Variants in BCL2 observed in about 807,000 individuals in gnomAD.
BCL2 encodes the protein BCL2 apoptosis regulator, also known as apoptosis regulator Bcl-2.
BCL2 carries 1 observed loss-of-function variant against 14.2 expected under a neutral mutation model. The observed-to-expected ratio is 0.07, with a 90% CI of 0.02 to 0.33. The LOEUF (loss-of-function observed/expected upper bound fraction) is 0.33. Among genes scored for constraint, BCL2 ranks in the 10% least tolerant of loss-of-function variants. BCL2 has a pLI of 0.99. For missense variants in BCL2, 247 were observed against 305.9 expected, an observed-to-expected ratio of 0.81 and a Z score of 1.44; for synonymous variants, 151 against 137.2, an observed-to-expected ratio of 1.10 and a Z score of -0.70.
rs1913868495 is a variant in BCL2 at position 63,124,780 on chromosome 18, G to C, written c.*3845C>G. 2 of 229,602 alleles carry C rather than the reference G, an allele frequency of 8.7e-6. No individual in the cohort carries two copies. The highest frequency in any genetic ancestry group is 5.7e-5 in the Admixed American group (1 of 17,656). 14.2% of individuals were successfully genotyped at this position (229,602 alleles called of 1,614,324 possible). A position where few individuals can be genotyped will look rare whatever the true frequency, so the allele number is the denominator to read the frequency against. On this transcript the variant is annotated 3_prime_UTR_variant, in exon 3 of 3. Coordinates refer to ENST00000333681, the MANE Select transcript of BCL2 (RefSeq NM_000633.3). ...TGTCTGGGCTGCAAAAGACACCACA[G>C]AATAAGATCAGAATAGAATTTCAAC... is the stretch of plus-strand genomic sequence containing the variant.
At chr18:63,214,636 A>C (rs1049284465) in intron 2 of BCL2, among the ~76,000 whole-genome samples, 1 of 152,114 alleles carries the variant, frequency 6.6e-6, no homozygotes. Flanking sequence ...GGTAATAAAA[A>C]AAAAAATCAT....
chr18:63,285,113 C>G (rs1294179676), intron 2 of BCL2, among the ~76,000 whole-genome samples: 3 of 152,214 alleles, frequency 2.0e-5, no homozygotes, highest in Non-Finnish European at 4.4e-5. Context: ...AGCTGCACCA[C>G]CCAAGAGACA....
At chr18:63,293,227 G>C (rs547921557) in intron 2 of BCL2, among the ~76,000 whole-genome samples, 2 of 152,334 alleles carry the variant, frequency 1.3e-5, no homozygotes, top group East Asian at 3.9e-4. Context: ...CCTCCAGCCT[G>C]ACTGCACTGC....
intron 2 of BCL2, chr18:63,314,471 C>CA (rs1317192113): frequency 1.3e-5 from 2 of 152,100 alleles, no homozygotes; most frequent in Non-Finnish European, 2.9e-5. Context: ...ACCACCAACA[C>CA]CAAAAAACCA....
At chr18:63,189,439 G>A (rs768632777) in intron 2 of BCL2, among the ~76,000 whole-genome samples, 39 of 152,100 alleles carry the variant, frequency 2.6e-4, no homozygotes, top group Non-Finnish European at 5.3e-4. Context: ...TCCTAGGTTA[G>A]GTATATCAAG....
chr18:63,164,673 A>G (rs1915000473), intron 2 of BCL2, among the ~76,000 whole-genome samples: 1 of 152,240 alleles, frequency 6.6e-6, no homozygotes, highest in African/African-American at 2.4e-5. Context: ...GCTTTATTGA[A>G]TCCAGGCTTT....
intron 2 of BCL2, among the ~76,000 whole-genome samples, chr18:63,243,008 G>C (rs1318373863): frequency 6.6e-6 from 1 of 152,154 alleles, no homozygotes; most frequent in Admixed American, 6.5e-5. Flanking sequence ...CATGGATTGG[G>C]TAAGGTATGT....
intron 2 of BCL2, among the ~76,000 whole-genome samples, chr18:63,146,753 C>T (rs1359731486): frequency 2.0e-5 from 3 of 151,700 alleles, no homozygotes; most frequent in Non-Finnish European, 4.4e-5. Flanking sequence ...ACTGAAACAC[C>T]CCGAGAAACT....
intron 2 of BCL2, among the ~76,000 whole-genome samples, chr18:63,252,720 C>T (rs1452989946): frequency 2.0e-5 from 3 of 152,194 alleles, no homozygotes; most frequent in East Asian, 1.9e-4. Flanking sequence ...TCCCCAGCCA[C>T]GTGGAACTGT....
At chr18:63,315,389 GGGACAATCT>G (rs1913463714) in intron 2 of BCL2, 3 of 152,156 alleles carry the variant, frequency 2.0e-5, no homozygotes, top group Non-Finnish European at 2.9e-5. Context: ...GTAGTCTTCT[GGGACAATCT>G]ATCAGAGGCT....
At chr18:63,154,317 G>A (rs1403014837) in intron 2 of BCL2, among the ~76,000 whole-genome samples, 1 of 152,160 alleles carries the variant, frequency 6.6e-6, no homozygotes, top group Non-Finnish European at 1.5e-5. Context: ...CTAGACAGTG[G>A]CAAGAAGCTC....
At chr18:63,303,833 G>T (rs1165725933) in intron 2 of BCL2, among the ~76,000 whole-genome samples, 1 of 152,132 alleles carries the variant, frequency 6.6e-6, no homozygotes, top group Non-Finnish European at 1.5e-5. Context: ...AATGGAAATG[G>T]GGAAATGAGA....
At chr18:63,183,363 T>A (rs1400152213) in intron 2 of BCL2, among the ~76,000 whole-genome samples, 1 of 152,086 alleles carries the variant, frequency 6.6e-6, no homozygotes, top group East Asian at 1.9e-4. Flanking sequence ...GAGTTGGTGT[T>A]GTGGCTCACA....
chr18:63,173,783 C>T (rs1195191964), intron 2 of BCL2, among the ~76,000 whole-genome samples: 2 of 152,166 alleles, frequency 1.3e-5, no homozygotes, highest in Non-Finnish European at 2.9e-5. Context: ...TTGTATCAGA[C>T]TTCTTATCAT....
chr18:63,200,604 G>C (rs1909663872), intron 2 of BCL2, among the ~76,000 whole-genome samples: 1 of 152,142 alleles, frequency 6.6e-6, no homozygotes, highest in African/African-American at 2.4e-5. Context: ...CCATGGGATG[G>C]GAAAACAAAT....
At chr18:63,188,207 TCAC>T (rs1915637330) in intron 2 of BCL2, among the ~76,000 whole-genome samples, 1 of 152,216 alleles carries the variant, frequency 6.6e-6, no homozygotes, top group Non-Finnish European at 1.5e-5. Flanking sequence ...AAAAATGAAT[TCAC>T]CAGCTCTATA....
At chr18:63,206,310 CCA>C (rs1406248769) in intron 2 of BCL2, among the ~76,000 whole-genome samples, 1 of 152,214 alleles carries the variant, frequency 6.6e-6, no homozygotes, top group Non-Finnish European at 1.5e-5. Context: ...AAAGGTCCCT[CCA>C]AGGATAAACA....
At chr18:63,138,903 GA>G (rs1914280885) in intron 2 of BCL2, among the ~76,000 whole-genome samples, 1 of 152,230 alleles carries the variant, frequency 6.6e-6, no homozygotes. Flanking sequence ...TGGGGAGGCT[GA>G]AAAATGAGAA....
chr18:63,165,479 C>G (rs1568220860), intron 2 of BCL2, among the ~76,000 whole-genome samples: 1 of 152,214 alleles, frequency 6.6e-6, no homozygotes, highest in African/African-American at 2.4e-5. Context: ...GTGTTTATCC[C>G]TCCAACCACA....
Sources: gnomAD v4.1 joint callset for allele counts (sites outside exome capture counted in the v4.1 genomes callset) on GRCh38, gnomAD v4.1.1 for gene constraint, MANE v1.5 for transcripts, NCBI Gene and HGNC (gene_info 2026-07-23, HGNC 2026-07-21) for gene names.